TRAPPC3L: variants seen among roughly 807,000 people sequenced by gnomAD.
TRAPPC3L encodes trafficking protein particle complex subunit 3-like protein.
Under a neutral mutation model 23.7 loss-of-function variants are expected in TRAPPC3L, and 23 were observed. The ratio of observed to expected loss-of-function variants is 0.97; its 90% confidence interval spans 0.70 to 1.37. The LOEUF is 1.37. Ranked by LOEUF, TRAPPC3L falls within the 40% of genes most tolerant of loss-of-function variation. The probability of loss-of-function intolerance (pLI) is 0.00; values close to 1 mark genes in which losing one functional copy is unlikely to be tolerated. For missense variants in TRAPPC3L, 212 were observed against 216.8 expected (o/e 0.98, Z 0.14); for synonymous variants, 81 against 77.9 (o/e 1.04, Z -0.21).
intron 3 of TRAPPC3L, chr6:116,519,814 G>C (rs1487831217): frequency 6.6e-6 from 1 of 152,164 alleles, no homozygotes; most frequent in Non-Finnish European, 1.5e-5. Flanking sequence ...TTTATCCCAT[G>C]AATAAATTGT....
At chr6:116,513,136 T>A (rs550234988) in intron 3 of TRAPPC3L, among the ~76,000 whole-genome samples, 5 of 152,300 alleles carry the variant, frequency 3.3e-5, no homozygotes, top group South Asian at 2.1e-4. Flanking sequence ...TTGTCAGGAA[T>A]GCTATCTGTT....
intron 3 of TRAPPC3L, among the ~76,000 whole-genome samples, chr6:116,507,076 A>G (rs1772019808): frequency 6.7e-6 from 1 of 149,328 alleles, no homozygotes; most frequent in African/African-American, 2.4e-5. Flanking sequence ...TAAGAGGATA[A>G]TTTTCTGTGG....
At chr6:116,502,008 C>G (rs976458070) in intron 3 of TRAPPC3L, among the ~76,000 whole-genome samples, 1 of 152,220 alleles carries the variant, frequency 6.6e-6, no homozygotes, top group African/African-American at 2.4e-5. Context: ...GGGAACAAAA[C>G]TGGATAGAGA....
chr6:116,541,920 C>G (rs1193410277), intron 2 of TRAPPC3L, among the ~76,000 whole-genome samples: 1 of 152,084 alleles, frequency 6.6e-6, no homozygotes, highest in Middle Eastern at 3.2e-3. Flanking sequence ...TTAAGGAAAT[C>G]TAAATGTGAA....
At chr6:116,526,846 T>C (rs1462482618) in intron 3 of TRAPPC3L, among the ~76,000 whole-genome samples, 1 of 152,220 alleles carries the variant, frequency 6.6e-6, no homozygotes, top group Non-Finnish European at 1.5e-5. Context: ...ATTGCTATTT[T>C]CAGTCCACTT....
chr6:116,543,192 G>A, intron 2 of TRAPPC3L, 111 bp downstream of exon 2: 1 of 748,844 alleles, frequency 1.3e-6, no homozygotes, highest in Non-Finnish European at 2.1e-6. Context: ...GATTAATTGA[G>A]ACAGAAGAAC....
chr6:116,512,969 T>G (rs537786295), intron 3 of TRAPPC3L, among the ~76,000 whole-genome samples: 3 of 152,326 alleles, frequency 2.0e-5, no homozygotes, highest in Admixed American at 2.0e-4. Context: ...TATCTTTACC[T>G]AATTGATGCA....
chr6:116,501,518 T>G (rs1307921382), intron 3 of TRAPPC3L, among the ~76,000 whole-genome samples: 1 of 152,218 alleles, frequency 6.6e-6, no homozygotes, highest in African/African-American at 2.4e-5. Flanking sequence ...GCAGTGGTTC[T>G]TCCAGCATGG....
chr6:116,512,163 T>C (rs1293093613), intron 3 of TRAPPC3L: 6 of 1,612,674 alleles, frequency 3.7e-6, no homozygotes, highest in East Asian at 2.2e-5. Context: ...CTTCACAAAG[T>C]ATCTTGTGGC....
intron 3 of TRAPPC3L, among the ~76,000 whole-genome samples, chr6:116,534,179 A>G (rs764309199): frequency 7.2e-5 from 11 of 151,754 alleles, no homozygotes; most frequent in Non-Finnish European, 1.5e-4. Context: ...TCAACCTTTC[A>G]TTTTGAAATG....
intron 3 of TRAPPC3L, among the ~76,000 whole-genome samples, chr6:116,502,461 A>T (rs1583264994): frequency 6.6e-6 from 1 of 152,242 alleles, no homozygotes; most frequent in East Asian, 1.9e-4. Flanking sequence ...TCAGGATATT[A>T]TCCAGGAGAA....
At chr6:116,514,178 C>T (rs1562339842) in intron 3 of TRAPPC3L, among the ~76,000 whole-genome samples, 1 of 151,990 alleles carries the variant, frequency 6.6e-6, no homozygotes, top group Non-Finnish European at 1.5e-5. Context: ...GGGAAAGCAT[C>T]GGTCAATGCA....
At chr6:116,522,514 C>T (rs1051867242) in intron 3 of TRAPPC3L, 1 of 152,008 alleles carries the variant, frequency 6.6e-6, no homozygotes, top group African/African-American at 2.4e-5. Flanking sequence ...CTTTAGGTTC[C>T]AGTTAGCAGT....
At chr6:116,514,430 T>G (rs1369705026) in intron 3 of TRAPPC3L, among the ~76,000 whole-genome samples, 1 of 152,154 alleles carries the variant, frequency 6.6e-6, no homozygotes, top group Non-Finnish European at 1.5e-5. Context: ...ATATTATGAG[T>G]TCAGTAACAC....
intron 3 of TRAPPC3L, among the ~76,000 whole-genome samples, chr6:116,525,803 A>T (rs1414099464): frequency 6.6e-6 from 1 of 152,224 alleles, no homozygotes; most frequent in Non-Finnish European, 1.5e-5. Context: ...ATTATTCGGC[A>T]GTTTATAACC....
intron 4 of TRAPPC3L, 51 bp from the exon 5 acceptor site, chr6:116,497,124 A>C (rs1562334745): frequency 1.3e-6 from 2 of 1,496,516 alleles, no homozygotes; most frequent in African/African-American, 2.9e-5. Flanking sequence ...AAAAACAAAA[A>C]ACTAAATTTT....
intron 3 of TRAPPC3L, chr6:116,511,861 CTT>C: frequency 6.2e-7 from 1 of 1,614,078 alleles, no homozygotes; most frequent in Non-Finnish European, 8.5e-7. Flanking sequence ...TGGTTTTCCT[CTT>C]TGCTCCTGCC....
intron 3 of TRAPPC3L, among the ~76,000 whole-genome samples, chr6:116,509,554 A>G (rs1772070664): frequency 1.3e-5 from 2 of 152,094 alleles, no homozygotes. Context: ...TTGACAAAGC[A>G]TACAAAAACA....
intron 3 of TRAPPC3L, among the ~76,000 whole-genome samples, chr6:116,509,120 A>T (rs985746156): frequency 2.0e-5 from 3 of 150,780 alleles, no homozygotes; most frequent in Middle Eastern, 3.4e-3. Flanking sequence ...AAACCCACCG[A>T]TGAATATACT....
Sources: allele counts gnomAD v4.1 joint callset (sites outside exome capture counted in the v4.1 genomes callset), GRCh38; gene constraint gnomAD v4.1.1; transcripts MANE v1.5; gene names NCBI Gene and HGNC (gene_info 2026-07-23, HGNC 2026-07-21).